PARD3: variants seen among roughly 807,000 people sequenced by gnomAD.
The protein encoded by PARD3 is partitioning defective 3 homolog.
PARD3 carries 75 observed loss-of-function variants against 155.4 expected under a neutral mutation model. The ratio of observed to expected loss-of-function variants is 0.48; its 90% CI spans 0.40 to 0.58. PARD3 has a LOEUF of 0.58. PARD3 is among the 20% of genes least tolerant of loss of function. The probability of loss-of-function intolerance (pLI) is 0.00; values close to 1 mark genes in which losing one functional copy is unlikely to be tolerated. For missense variants in PARD3, 1,642 were observed against 1,721.7 expected, an observed-to-expected ratio of 0.95 and a Z score of 0.82; for synonymous variants, 576 against 610.5, an observed-to-expected ratio of 0.94 and a Z score of 0.83.
In PARD3 at chr10:34,341,494, A is replaced by G. The variant is rs375624409; in HGVS notation, c.2408+133T>C. On this transcript the variant is annotated intron_variant, in intron 16 of 24. Transcript: ENST00000374788. ...TTCGGGTATAATCTTTTATTATAAG[A>G]GTGATAAGTATATAAAAACCATGAA... The G allele has an allele frequency of 1.5e-4, 86 of 587,802 alleles. No homozygotes were observed. The East Asian group carries it at 2.5e-3, about 17-fold the overall frequency. The allele number at this position is 587,802 out of a possible 1,614,324, so 36.4% of individuals were successfully genotyped here. A position where few individuals can be genotyped will look rare whatever the true frequency, so the allele number is the denominator to read the frequency against.
intron 1 of PARD3, among the ~76,000 whole-genome samples, chr10:34,735,985 A>T (rs1028984741): frequency 6.6e-6 from 1 of 151,846 alleles, no homozygotes; most frequent in Non-Finnish European, 1.5e-5. Context: ...TGCCCTCCCA[A>T]ATTGTTCAGA....
intron 22 of PARD3, among the ~76,000 whole-genome samples, chr10:34,144,972 G>A (rs1948384666): frequency 6.6e-6 from 1 of 151,738 alleles, no homozygotes. Flanking sequence ...CTGCCTAAAA[G>A]GGTATTAGAA....
chr10:34,633,895 T>A (rs1025198017), intron 2 of PARD3, among the ~76,000 whole-genome samples: 1 of 152,230 alleles, frequency 6.6e-6, no homozygotes, highest in Non-Finnish European at 1.5e-5. Context: ...AGGTGACATT[T>A]CACTGTGGCT....
chr10:34,441,601 T>C (rs2076464847), intron 5 of PARD3, among the ~76,000 whole-genome samples: 4 of 152,174 alleles, frequency 2.6e-5, no homozygotes, highest in Admixed American at 2.6e-4. Context: ...ACCCTGCACA[T>C]GACTGGAAGC....
chr10:34,157,129 G>A (rs184685945), intron 22 of PARD3, among the ~76,000 whole-genome samples: 130 of 152,156 alleles, frequency 8.5e-4, no homozygotes, highest in African/African-American at 2.8e-3. Flanking sequence ...AAGAACACGC[G>A]TTATCAAGGC....
intron 2 of PARD3, among the ~76,000 whole-genome samples, chr10:34,684,856 CATGTATATATATACACACACAT>C: frequency 8.3e-6 from 1 of 121,030 alleles, no homozygotes; most frequent in Non-Finnish European, 1.7e-5. Flanking sequence ...CATATATATA[CATGTATATATATACACACACAT>C]ACACACACAC....
chr10:34,693,470 G>A (rs2094108214), intron 2 of PARD3, among the ~76,000 whole-genome samples: 1 of 152,124 alleles, frequency 6.6e-6, no homozygotes, highest in Admixed American at 6.5e-5. Context: ...GGAGCTAGAG[G>A]CTATTATTGC....
intron 2 of PARD3, among the ~76,000 whole-genome samples, chr10:34,597,733 G>A (rs1310646333): frequency 4.0e-5 from 6 of 151,310 alleles, no homozygotes; most frequent in African/African-American, 4.9e-5. Context: ...CGTGGAGATC[G>A]GAAGAGGAGA....
intron 1 of PARD3, among the ~76,000 whole-genome samples, chr10:34,745,304 G>A (rs1321059080): frequency 1.3e-5 from 2 of 152,080 alleles, no homozygotes; most frequent in African/African-American, 4.8e-5. Flanking sequence ...GGAGGATGCA[G>A]TGTACTATGA....
intron 2 of PARD3, among the ~76,000 whole-genome samples, chr10:34,684,211 G>A (rs1353620348): frequency 6.6e-6 from 1 of 152,202 alleles, no homozygotes; most frequent in Non-Finnish European, 1.5e-5. Context: ...GGAGTGGACA[G>A]TGAAAACGAA....
chr10:34,288,765 TG>T (rs1414842752), intron 20 of PARD3, among the ~76,000 whole-genome samples: 5 of 152,210 alleles, frequency 3.3e-5, no homozygotes, highest in Non-Finnish European at 7.3e-5. Flanking sequence ...GAAGAAATAC[TG>T]TGTTAATAGT....
At chr10:34,647,998 G>A (rs1400790729) in intron 2 of PARD3, among the ~76,000 whole-genome samples, 2 of 152,176 alleles carry the variant, frequency 1.3e-5, no homozygotes, top group African/African-American at 4.8e-5. Context: ...GTAGATATGT[G>A]CCAATTCTAG....
intron 5 of PARD3, among the ~76,000 whole-genome samples, chr10:34,444,042 A>G (rs1171218012): frequency 6.6e-6 from 1 of 152,108 alleles, no homozygotes; most frequent in Non-Finnish European, 1.5e-5. Context: ...ATCTCCAATT[A>G]AAAGATGTTT....
chr10:34,278,787 A>G (rs1316666544), intron 21 of PARD3, among the ~76,000 whole-genome samples: 1 of 152,214 alleles, frequency 6.6e-6, no homozygotes, highest in Non-Finnish European at 1.5e-5. Flanking sequence ...TTATAGCAGC[A>G]TGAGAACAGA....
intron 22 of PARD3, among the ~76,000 whole-genome samples, chr10:34,139,169 A>G (rs969624157): frequency 6.6e-6 from 1 of 152,192 alleles, no homozygotes; most frequent in Non-Finnish European, 1.5e-5. Flanking sequence ...ATCTCAGCAC[A>G]CATAGAAAGG....
At chr10:34,119,782 C>A in intron 23 of PARD3, 42 bp from the exon 24 acceptor site, 6 of 1,541,784 alleles carry the variant, frequency 3.9e-6, no homozygotes, top group South Asian at 1.2e-5. Context: ...CCAGAAAGTT[C>A]TGTACAGATC....
At chr10:34,696,721 C>T (rs891728727) in intron 1 of PARD3, among the ~76,000 whole-genome samples, 3 of 150,416 alleles carry the variant, frequency 2.0e-5, no homozygotes, top group Non-Finnish European at 4.4e-5. Context: ...CTAAAGCATA[C>T]TAGATTTCCT....
intron 14 of PARD3, among the ~76,000 whole-genome samples, chr10:34,355,593 C>G (rs1259331272): frequency 6.6e-6 from 1 of 151,950 alleles, no homozygotes; most frequent in Non-Finnish European, 1.5e-5. Flanking sequence ...TTTCAGGCAG[C>G]AAGGGAGTGG....
chr10:34,154,726 C>T (rs1006037819), intron 22 of PARD3, among the ~76,000 whole-genome samples: 2 of 152,146 alleles, frequency 1.3e-5, no homozygotes, highest in African/African-American at 4.8e-5. Context: ...TCTTTGCATC[C>T]ATCCCTTCCC....
Sources: allele counts gnomAD v4.1 joint callset (sites outside exome capture counted in the v4.1 genomes callset), GRCh38; gene constraint gnomAD v4.1.1; transcripts MANE v1.5; gene names NCBI Gene and HGNC (gene_info 2026-07-23, HGNC 2026-07-21).